BBS9: variants seen among roughly 807,000 people sequenced by gnomAD.
BBS9 encodes protein PTHB1.
BBS9 carries 89 observed loss-of-function variants against 117.7 expected under a neutral mutation model. The ratio of observed to expected loss-of-function variants is 0.76; its 90% CI spans 0.64 to 0.90. The LOEUF is 0.90. Ranked by LOEUF, BBS9 falls within the 40% of genes least tolerant of loss-of-function variation. The pLI is 0.00. For missense variants in BBS9, 982 were observed against 1,042.2 expected (o/e 0.94, Z 0.80); for synonymous variants, 379 against 370.9 (o/e 1.02, Z -0.25).
chr7:33,344,672 T>G, intron 12 of BBS9, 38 bp downstream of exon 12: 1 of 1,576,202 alleles, frequency 6.3e-7, no homozygotes, highest in Non-Finnish European at 8.7e-7. Flanking sequence ...GTGCAAACAA[T>G]ATGATTTATT....
intron 5 of BBS9, among the ~76,000 whole-genome samples, chr7:33,212,125 G>A (rs892129863): frequency 2.0e-5 from 3 of 152,098 alleles, no homozygotes; most frequent in Non-Finnish European, 2.9e-5. Flanking sequence ...CTCTAGGTTT[G>A]GGAAGTTCTC....
chr7:33,273,074 G>A lies in BBS9; in HGVS notation c.765G>A (p.Gln255=). ...ACATATGTATTGTCTCTTTCAATCA[G>A]TCGGCATCCTCTGTTTTTGTTCTTG... ...ALDICIVSFN[Q]SASSVFVLGE... Residue 255 remains glutamine, a synonymous_variant, in exon 8 of 23, where the codon CAG becomes CAA. Transcript: ENST00000242067. 2 of 1,613,696 alleles carry A rather than the reference G, an allele frequency of 1.2e-6. No individual in the cohort carries two copies. Among genetic ancestry groups the A allele is most frequent in the South Asian group, 2.2e-5 (2 of 91,064 alleles).
intron 19 of BBS9, among the ~76,000 whole-genome samples, chr7:33,481,325 T>C (rs1187137391): frequency 6.6e-6 from 1 of 152,130 alleles, no homozygotes; most frequent in East Asian, 1.9e-4. Flanking sequence ...AGATAAACAC[T>C]TGCAAGATTG....
chr7:33,415,654 ACCT>A (rs1430574329), intron 19 of BBS9, among the ~76,000 whole-genome samples: 11 of 152,076 alleles, frequency 7.2e-5, no homozygotes, highest in Non-Finnish European at 1.3e-4. Flanking sequence ...GCTAAGTTCA[ACCT>A]CCTGCTTGTT....
intron 1 of BBS9, among the ~76,000 whole-genome samples, chr7:33,133,408 C>G (rs1034599797): frequency 6.6e-6 from 1 of 152,226 alleles, no homozygotes; most frequent in Non-Finnish European, 1.5e-5. Flanking sequence ...AACTCTCCTT[C>G]TCTCTTCCTT....
At chr7:33,140,138 C>A (rs191100689) in intron 1 of BBS9, among the ~76,000 whole-genome samples, 4 of 152,216 alleles carry the variant, frequency 2.6e-5, no homozygotes, top group African/African-American at 7.2e-5. Flanking sequence ...CGTTCTCCTG[C>A]CTCAGCCTCC....
rs115145838 is a variant in BBS9, at chr7:33,221,807, G to A, written c.443-35429G>A. Reference sequence around the variant, plus strand: ...CAAGTTTGAATTTGGAAGTGTGTTTGTGTTTACATTTTTAAAAAGTATTTC... The same window carrying A: ...CAAGTTTGAATTTGGAAGTGTGTTTATGTTTACATTTTTAAAAAGTATTTC... On this transcript the variant is annotated intron_variant, in intron 5 of 22. Coordinates refer to ENST00000242067, the MANE Select transcript of BBS9 (RefSeq NM_198428.3). Among the ~76,000 whole-genome samples, 1,052 of 152,138 alleles carry A rather than the reference G, an allele frequency of 6.9e-3. 13 individuals are homozygous for A. The highest frequency in any genetic ancestry group is 0.024 in the African/African-American group (1,000 of 41,518).
rs974022595 is a variant in BBS9, at chr7:33,361,369, C to T, written c.1693+3374C>T. Among the ~76,000 whole-genome samples, 74 of 152,230 alleles carry T rather than the reference C, an allele frequency of 4.9e-4. 1 individual carries two copies. The highest frequency in any genetic ancestry group is 4.8e-3 in the Admixed American group (74 of 15,290). On this transcript the variant is annotated intron_variant, in intron 16 of 22. Transcript: ENST00000242067. ...CAATACATTTATATTTTAATAGTTACATAATATTCCATTGTTTGGAGGTGT... is the reference window on the plus strand; with the variant it reads ...CAATACATTTATATTTTAATAGTTATATAATATTCCATTGTTTGGAGGTGT...
At position 33,139,113 on chromosome 7, in the gene BBS9, G is replaced by A. The variant is rs1034370250; in HGVS notation, c.-11-7129G>A. Among the ~76,000 whole-genome samples the A allele has an allele frequency of 7.3e-5, 11 of 151,068 alleles. 1 individual carries two copies. Among genetic ancestry groups the A allele is most frequent in the African/African-American group, 7.2e-5 (3 of 41,404 alleles). On this transcript the variant is annotated intron_variant, in intron 1 of 22. Transcript: ENST00000242067. ...ACTAAAAATACAAAATTAGCTGGGC[G>A]TGGTGGCGCATGCCTGTAATACCAG... is the stretch of plus-strand genomic sequence containing the variant.
At chr7:33,287,154 A>T (rs1387354628) in intron 9 of BBS9, among the ~76,000 whole-genome samples, 1 of 152,188 alleles carries the variant, frequency 6.6e-6, no homozygotes, top group Non-Finnish European at 1.5e-5. Flanking sequence ...ATGGTATAGG[A>T]TGTTGGGTGA....
intron 5 of BBS9, among the ~76,000 whole-genome samples, chr7:33,199,714 A>T (rs1177689241): frequency 6.6e-6 from 1 of 151,676 alleles, no homozygotes; most frequent in African/African-American, 2.4e-5. Context: ...ATTTAAAAAG[A>T]CTCTTTAAAT....
intron 4 of BBS9, among the ~76,000 whole-genome samples, chr7:33,169,259 C>T (rs1004273163): frequency 1.5e-4 from 22 of 150,530 alleles, no homozygotes; most frequent in Middle Eastern, 3.4e-3. Flanking sequence ...TGAATAATGC[C>T]GCAATAAACA....
rs997408210 is a variant in BBS9 at position 33,139,081 on chromosome 7, C to T, written c.-11-7161C>T. 6.0e-5 allele frequency among the ~76,000 whole-genome samples: 9 copies of T among 151,106 alleles called. 1 individual carries two copies. In the East Asian group the frequency reaches 1.8e-3, roughly 30 times the overall value. On this transcript the variant is annotated intron_variant, in intron 1 of 22. Transcript: ENST00000242067. ...CAGCCTGACCAACATGGAGAAACCC[C>T]GTCTCTACTAAAAATACAAAATTAG... is the stretch of plus-strand genomic sequence containing the variant.
intron 5 of BBS9, among the ~76,000 whole-genome samples, chr7:33,215,378 A>G (rs1465609029): frequency 1.3e-5 from 2 of 152,256 alleles, no homozygotes; most frequent in Non-Finnish European, 2.9e-5. Flanking sequence ...CAAAGATGCC[A>G]AGAATATACA....
intron 19 of BBS9, among the ~76,000 whole-genome samples, chr7:33,443,537 G>A (rs1185866833): frequency 6.6e-6 from 1 of 152,156 alleles, no homozygotes; most frequent in East Asian, 1.9e-4. Context: ...AGAACTGCAT[G>A]TAAAATTGTT....
chr7:33,266,055 A>G (rs1017675354), intron 7 of BBS9, among the ~76,000 whole-genome samples: 3 of 152,064 alleles, frequency 2.0e-5, no homozygotes, highest in African/African-American at 4.8e-5. Flanking sequence ...ATTGTTCCAA[A>G]TATTCCATGG....
At chr7:33,281,374 T>C (rs1429761267) in intron 9 of BBS9, among the ~76,000 whole-genome samples, 8 of 137,402 alleles carry the variant, frequency 5.8e-5, no homozygotes, top group Admixed American at 1.5e-4. Context: ...GCCTTTTTTT[T>C]TTTTTTTTTT....
At chr7:33,446,024 T>C (rs1836940758) in intron 19 of BBS9, among the ~76,000 whole-genome samples, 1 of 152,166 alleles carries the variant, frequency 6.6e-6, no homozygotes, top group Admixed American at 6.6e-5. Context: ...TATTAATAGA[T>C]TTTTGAAGCA....
At chr7:33,521,527 A>C (rs1848592581) in intron 20 of BBS9, among the ~76,000 whole-genome samples, 1 of 152,220 alleles carries the variant, frequency 6.6e-6, no homozygotes, top group South Asian at 2.1e-4. Context: ...TTTAAAATAA[A>C]AAGGAATGGT....
Sources: gnomAD v4.1 joint callset for allele counts (sites outside exome capture counted in the v4.1 genomes callset) on GRCh38, gnomAD v4.1.1 for gene constraint, MANE v1.5 for transcripts, NCBI Gene and HGNC (gene_info 2026-07-23, HGNC 2026-07-21) for gene names.